Variants in KALRN observed in about 807,000 individuals in gnomAD.
KALRN encodes kalirin RhoGEF kinase, also known as kalirin.
A neutral mutation model predicts 353.7 loss-of-function variants in KALRN; 70 were observed. That is an observed-to-expected ratio of 0.20 (90% CI 0.16 to 0.24). The LOEUF (loss-of-function observed/expected upper bound fraction) is 0.24, where lower values mean the gene tolerates loss of function less well. Ranked by LOEUF, KALRN falls within the 10% of genes least tolerant of loss-of-function variation. The pLI is 1.00. For missense variants in KALRN, 2,791 were observed against 3,756.7 expected, an observed-to-expected ratio of 0.74 and a Z score of 6.72; for synonymous variants, 1,391 against 1,434.8, an observed-to-expected ratio of 0.97 and a Z score of 0.69.
chr3:124,285,628 C>G (rs1204512803), intron 5 of KALRN, among the ~76,000 whole-genome samples: 1 of 152,118 alleles, frequency 6.6e-6, no homozygotes, highest in African/African-American at 2.4e-5. Flanking sequence ...CTCTGCCTCC[C>G]GGGTTCAAGT....
chr3:124,526,158 T>C (rs1419953992), intron 33 of KALRN, among the ~76,000 whole-genome samples: 5 of 152,180 alleles, frequency 3.3e-5, no homozygotes, highest in African/African-American at 1.2e-4. Context: ...TGATGGTCAT[T>C]CAAAGGGGAT....
intron 22 of KALRN, among the ~76,000 whole-genome samples, chr3:124,456,069 T>C (rs1316776660): frequency 3.3e-5 from 5 of 152,214 alleles, no homozygotes; most frequent in Non-Finnish European, 1.5e-5. Context: ...AGTTCCATCA[T>C]ATATAAATAC....
intron 23 of KALRN, among the ~76,000 whole-genome samples, chr3:124,459,850 G>A (rs1396509771): frequency 1.3e-5 from 2 of 152,200 alleles, no homozygotes; most frequent in Non-Finnish European, 2.9e-5. Context: ...AAGCTGCTGT[G>A]TGAATCAGAG....
intron 1 of KALRN, among the ~76,000 whole-genome samples, chr3:124,187,517 G>A (rs1236512004): frequency 6.6e-6 from 1 of 152,204 alleles, no homozygotes; most frequent in Non-Finnish European, 1.5e-5. Context: ...CCTCTGGTAT[G>A]AAAGGCCATC....
At chr3:124,274,900 A>G (rs982445722) in intron 5 of KALRN, among the ~76,000 whole-genome samples, 9 of 152,168 alleles carry the variant, frequency 5.9e-5, no homozygotes, top group South Asian at 2.1e-4. Flanking sequence ...GTGAAATTCT[A>G]TTCACATCCA....
intron 33 of KALRN, chr3:124,504,806 A>G: frequency 2.1e-6 from 1 of 468,734 alleles, no homozygotes; most frequent in African/African-American, 2.0e-5. Flanking sequence ...GAGCTGCCAG[A>G]ACCAGTTCAG....
At chr3:124,476,952 C>A (rs995451319) in intron 26 of KALRN, among the ~76,000 whole-genome samples, 16 of 152,214 alleles carry the variant, frequency 1.1e-4, no homozygotes, top group African/African-American at 3.9e-4. Context: ...TTCTGTCCAA[C>A]TTCAGAATAT....
chr3:124,388,234 G>T (rs1183257149), intron 11 of KALRN, among the ~76,000 whole-genome samples: 1 of 151,796 alleles, frequency 6.6e-6, no homozygotes, highest in Non-Finnish European at 1.5e-5. Flanking sequence ...TTTCCTAGTA[G>T]GAAACTTCCT....
chr3:124,330,283 CACA>C (rs1560583457), intron 8 of KALRN, among the ~76,000 whole-genome samples: 21 of 149,668 alleles, frequency 1.4e-4, no homozygotes, highest in Middle Eastern at 3.4e-3. Context: ...CACACACACA[CACA>C]CCCCATACAC....
chr3:124,221,035 C>G (rs927219477), intron 1 of KALRN, among the ~76,000 whole-genome samples: 1 of 152,326 alleles, frequency 6.6e-6, no homozygotes, highest in Admixed American at 6.5e-5. Flanking sequence ...TCGGAGTCTC[C>G]GAAGGCACTT....
At chr3:124,374,608 T>A (rs1265752811) in intron 10 of KALRN, among the ~76,000 whole-genome samples, 1 of 152,138 alleles carries the variant, frequency 6.6e-6, no homozygotes, top group African/African-American at 2.4e-5. Context: ...AGCCTTTTCC[T>A]CTTTTCCTCC....
In KALRN at chr3:124,114,770, A is replaced by G. The variant is rs185051833; in HGVS notation, c.73+80957A>G. On this transcript the variant is annotated intron_variant, in intron 1 of 59. Transcript: ENST00000682506. The stretch of plus-strand genomic sequence containing the variant: ...GAAACTTTTCAGGGGCTGAGGTGCA[A>G]CATGAGGAAGAAGATCAGGCCAAAG... Among the ~76,000 whole-genome samples the G allele has an allele frequency of 1.4e-4, 21 of 152,328 alleles. No homozygotes were observed. In the East Asian group the frequency reaches 3.5e-3, roughly 25 times the overall value.
intron 33 of KALRN, among the ~76,000 whole-genome samples, chr3:124,524,987 G>A (rs1368147365): frequency 6.6e-6 from 1 of 152,190 alleles, no homozygotes; most frequent in African/African-American, 2.4e-5. Context: ...ATTGGGCTTC[G>A]TGAATAGAAT....
rs2063388701 is a variant in KALRN, at chr3:124,723,973, A to G, written c.*4503A>G. On this transcript the variant is annotated 3_prime_UTR_variant, in exon 60 of 60. Coordinates refer to ENST00000682506, the MANE Select transcript of KALRN (RefSeq NM_001388419.1). ...TAAGAGACAAATTAAATGCACAGGC[A>G]AATTAAATGCATAGAAATGAATTGG... The G allele has an allele frequency of 6.6e-6, 1 of 152,210 alleles. No individual in the cohort carries two copies. The highest frequency in any genetic ancestry group is 1.5e-5 in the Non-Finnish European group (1 of 68,030). 9.4% of individuals were successfully genotyped at this position (152,210 alleles called of 1,614,324 possible). A position where few individuals can be genotyped will look rare whatever the true frequency, so the allele number is the denominator to read the frequency against.
At chr3:124,707,433 C>A (rs977519234) in intron 57 of KALRN, among the ~76,000 whole-genome samples, 1 of 150,990 alleles carries the variant, frequency 6.6e-6, no homozygotes, top group Non-Finnish European at 1.5e-5. Flanking sequence ...TTCCTTCCTT[C>A]CTTCCTTCCT....
At chr3:124,347,599 A>G (rs781294796) in intron 10 of KALRN, among the ~76,000 whole-genome samples, 15 of 152,100 alleles carry the variant, frequency 9.9e-5, no homozygotes, top group Non-Finnish European at 2.1e-4. Flanking sequence ...TGATCTAAAA[A>G]TGCCTTGTCC....
At chr3:124,448,678 CA>C (rs1372838798) in intron 21 of KALRN, among the ~76,000 whole-genome samples, 3 of 151,986 alleles carry the variant, frequency 2.0e-5, no homozygotes, top group Non-Finnish European at 2.9e-5. Flanking sequence ...GGATATGATC[CA>C]GCTCATCCCT....
chr3:124,620,824 G>A (rs1005048143), intron 34 of KALRN, among the ~76,000 whole-genome samples: 5 of 152,188 alleles, frequency 3.3e-5, no homozygotes, highest in African/African-American at 1.2e-4. Context: ...CTCAGACAGA[G>A]GATTACACAG....
intron 3 of KALRN, among the ~76,000 whole-genome samples, chr3:124,255,445 T>G (rs1580116617): frequency 6.6e-6 from 1 of 152,228 alleles, no homozygotes; most frequent in East Asian, 1.9e-4. Context: ...ATATACCTGG[T>G]GCCTGGTACT....
Sources: allele counts gnomAD v4.1 joint callset (sites outside exome capture counted in the v4.1 genomes callset), GRCh38; gene constraint gnomAD v4.1.1; transcripts MANE v1.5; gene names NCBI Gene and HGNC (gene_info 2026-07-23, HGNC 2026-07-21).